The following GRIN2A variants were observed in gnomAD, a reference collection of about 807,000 sequenced individuals.
The protein encoded by GRIN2A is glutamate receptor ionotropic, NMDA 2A.
GRIN2A carries 22 observed loss-of-function variants against 113.4 expected under a neutral mutation model. The observed-to-expected ratio is 0.19, with a 90% CI of 0.14 to 0.28. The LOEUF (loss-of-function observed/expected upper bound fraction) is 0.28, where lower values mean the gene tolerates loss of function less well. Among genes scored for constraint, GRIN2A ranks in the 10% least tolerant of loss-of-function variants. The pLI, the probability that GRIN2A is intolerant of heterozygous loss-of-function variation, is 1.00. For synonymous variants in GRIN2A, 827 were observed against 738.4 expected, an observed-to-expected ratio of 1.12 and a Z score of -1.94; for missense variants, 1,502 against 1,887.0, an observed-to-expected ratio of 0.80 and a Z score of 3.78.
intron 2 of GRIN2A, among the ~76,000 whole-genome samples, chr16:10,143,682 G>A (rs72776068): frequency 0.062 from 9,486 of 152,254 alleles, 396 homozygotes; most frequent in Non-Finnish European, 0.1. Flanking sequence ...AAACAAGATT[G>A]GGCAGGGTGC....
At chr16:10,038,811 G>T (rs1461069589) in intron 2 of GRIN2A, among the ~76,000 whole-genome samples, 1 of 150,446 alleles carries the variant, frequency 6.6e-6, no homozygotes, top group Non-Finnish European at 1.5e-5. Context: ...TCGCGCCACT[G>T]CACTCCAGCC....
intron 2 of GRIN2A, among the ~76,000 whole-genome samples, chr16:9,954,030 C>T (rs935747045): frequency 1.3e-5 from 2 of 152,106 alleles, no homozygotes; most frequent in Non-Finnish European, 2.9e-5. Flanking sequence ...GGTCAGGGGG[C>T]TCCTCCTCCT....
At chr16:9,803,142 C>T (rs554731921) in intron 10 of GRIN2A, among the ~76,000 whole-genome samples, 7 of 152,038 alleles carry the variant, frequency 4.6e-5, no homozygotes, top group African/African-American at 1.7e-4. Flanking sequence ...CAGTGGCTAG[C>T]GCCTAAAGTC....
intron 2 of GRIN2A, among the ~76,000 whole-genome samples, chr16:10,149,818 A>C (rs2049530338): frequency 6.6e-6 from 1 of 152,252 alleles, no homozygotes; most frequent in Non-Finnish European, 1.5e-5. Flanking sequence ...AAGTTAGGTC[A>C]ATCCTTTGTT....
intron 2 of GRIN2A, among the ~76,000 whole-genome samples, chr16:10,086,947 A>C (rs73510697): frequency 0.02 from 3,076 of 152,340 alleles, 93 homozygotes; most frequent in African/African-American, 0.071. Context: ...AGATAGGGAC[A>C]TGGTTTTCTC....
chr16:10,153,137 T>C (rs951977229), intron 2 of GRIN2A, among the ~76,000 whole-genome samples: 1 of 152,174 alleles, frequency 6.6e-6, no homozygotes, highest in Non-Finnish European at 1.5e-5. Flanking sequence ...TAACAATTAA[T>C]ATTGTTACAA....
In GRIN2A at chr16:10,058,160, C is replaced by T. The variant is rs188557188; in HGVS notation, c.415-119609G>A. 6.5e-4 allele frequency among the ~76,000 whole-genome samples: 98 copies of T among 151,840 alleles called. 2 individuals are homozygous for T. Among genetic ancestry groups the T allele is most frequent in the Admixed American group, 3.3e-3 (51 of 15,226 alleles). On this transcript the variant is annotated intron_variant, in intron 2 of 12. Coordinates refer to ENST00000330684, the MANE Select transcript of GRIN2A (RefSeq NM_001134407.3). The stretch of plus-strand genomic sequence containing the variant: ...ATTCTAGTTACTTGGGAGGCTGAGG[C>T]GGGAGAATTGCTTGAACCCGGGAGG...
At chr16:9,824,849 T>C (rs1007998101) in intron 9 of GRIN2A, among the ~76,000 whole-genome samples, 1 of 152,130 alleles carries the variant, frequency 6.6e-6, no homozygotes, top group African/African-American at 2.4e-5. Flanking sequence ...TAAAGAGTCA[T>C]GACCTACAGC....
chr16:9,767,593 AAC>A (rs1464623912), intron 12 of GRIN2A, among the ~76,000 whole-genome samples: 1 of 152,098 alleles, frequency 6.6e-6, no homozygotes, highest in Non-Finnish European at 1.5e-5. Flanking sequence ...AACAAAAAAA[AAC>A]ACAAACAAAA....
chr16:10,111,324 G>A (rs990095821), intron 2 of GRIN2A: 5 of 381,624 alleles, frequency 1.3e-5, no homozygotes, highest in South Asian at 4.5e-5. Flanking sequence ...CAGCAGCAGC[G>A]GCAGCAGCGG....
intron 2 of GRIN2A, among the ~76,000 whole-genome samples, chr16:10,106,199 T>A (rs1399875270): frequency 6.9e-6 from 1 of 145,456 alleles, no homozygotes; most frequent in Non-Finnish European, 1.5e-5. Context: ...TTTTTTTTTT[T>A]GTTTGGGGAA....
chr16:9,816,223 A>G (rs1567319427), intron 10 of GRIN2A, among the ~76,000 whole-genome samples: 1 of 152,194 alleles, frequency 6.6e-6, no homozygotes, highest in Non-Finnish European at 1.5e-5. Flanking sequence ...ATTTAATACC[A>G]CTGAACTATA....
chr16:10,132,597 C>A (rs865980851), intron 2 of GRIN2A, among the ~76,000 whole-genome samples: 10 of 152,154 alleles, frequency 6.6e-5, no homozygotes, highest in African/African-American at 2.4e-4. Context: ...TGGAATCATT[C>A]GGGCATGGGG....
chr16:9,971,901 C>T (rs1441482468), intron 2 of GRIN2A, among the ~76,000 whole-genome samples: 1 of 152,180 alleles, frequency 6.6e-6, no homozygotes, highest in Non-Finnish European at 1.5e-5. Context: ...AAGGGCTCAT[C>T]ATAGAGTTCT....
At chr16:9,995,850 A>T (rs968674802) in intron 2 of GRIN2A, among the ~76,000 whole-genome samples, 5 of 151,994 alleles carry the variant, frequency 3.3e-5, no homozygotes, top group African/African-American at 9.7e-5. Flanking sequence ...GGCTTATGGG[A>T]TCTATGTGGG....
At chr16:9,859,444 A>G (rs8056384) in intron 4 of GRIN2A, among the ~76,000 whole-genome samples, 445 of 152,244 alleles carry the variant, frequency 2.9e-3, no homozygotes, top group African/African-American at 0.01. Context: ...ACATATATGT[A>G]TACATATTCC....
At chr16:9,910,740 G>C (rs2044118739) in intron 3 of GRIN2A, among the ~76,000 whole-genome samples, 1 of 152,010 alleles carries the variant, frequency 6.6e-6, no homozygotes, top group South Asian at 2.1e-4. Flanking sequence ...GTTTCACCAT[G>C]TTGGCCAGTC....
At chr16:9,988,157 T>C (rs1437010354) in intron 2 of GRIN2A, among the ~76,000 whole-genome samples, 1 of 152,022 alleles carries the variant, frequency 6.6e-6, no homozygotes, top group Non-Finnish European at 1.5e-5. Context: ...AGTAGGAGCC[T>C]GCATCACTAC....
At chr16:10,003,635 T>C (rs1334710373) in intron 2 of GRIN2A, among the ~76,000 whole-genome samples, 1 of 152,184 alleles carries the variant, frequency 6.6e-6, no homozygotes, top group East Asian at 1.9e-4. Context: ...ACTCCCACTT[T>C]ATACGAATGA....
Sources: allele counts gnomAD v4.1 joint callset (sites outside exome capture counted in the v4.1 genomes callset), GRCh38; gene constraint gnomAD v4.1.1; transcripts MANE v1.5; gene names NCBI Gene and HGNC (gene_info 2026-07-23, HGNC 2026-07-21).